Variants in KDM4C observed in about 807,000 individuals in gnomAD.
The protein encoded by KDM4C is lysine demethylase 4C.
A neutral mutation model predicts 129.3 loss-of-function variants in KDM4C; 81 were observed. The ratio of observed to expected loss-of-function variants is 0.63; its 90% confidence interval spans 0.52 to 0.75. The LOEUF (loss-of-function observed/expected upper bound fraction) is 0.75, where lower values mean the gene tolerates loss of function less well. Among genes scored for constraint, KDM4C ranks in the 30% least tolerant of loss-of-function variants. The pLI, the probability that KDM4C is intolerant of heterozygous loss-of-function variation, is 0.00. For missense variants in KDM4C, 1,457 were observed against 1,304.0 expected (o/e 1.12, Z -1.81); for synonymous variants, 573 against 456.1 (o/e 1.26, Z -3.26).
intron 17 of KDM4C, among the ~76,000 whole-genome samples, chr9:7,073,705 C>A (rs1385316112): frequency 1.3e-5 from 2 of 152,198 alleles, no homozygotes; most frequent in Non-Finnish European, 2.9e-5. Flanking sequence ...ATATAGGCTG[C>A]AGGTGAATGG....
chr9:6,917,087 T>A (rs1820443059), intron 8 of KDM4C, among the ~76,000 whole-genome samples: 1 of 152,174 alleles, frequency 6.6e-6, no homozygotes, highest in African/African-American at 2.4e-5. Flanking sequence ...TATGAATTAT[T>A]TTCATTGGCA....
chr9:6,779,735 A>G (rs1202696596), intron 1 of KDM4C, among the ~76,000 whole-genome samples: 1 of 152,224 alleles, frequency 6.6e-6, no homozygotes, highest in African/African-American at 2.4e-5. Context: ...AGCAGTGTCT[A>G]TGGGTAATTG....
intron 3 of KDM4C, among the ~76,000 whole-genome samples, chr9:6,807,645 G>GC (rs1259007634): frequency 6.7e-6 from 1 of 148,784 alleles, no homozygotes. Flanking sequence ...CCTCTGCCTG[G>GC]CAACCACCCC....
At chr9:7,074,261 T>G (rs987509516) in intron 17 of KDM4C, among the ~76,000 whole-genome samples, 1 of 152,276 alleles carries the variant, frequency 6.6e-6, no homozygotes, top group African/African-American at 2.4e-5. Flanking sequence ...TCTCTTGGGT[T>G]CAAACAATTC....
intron 4 of KDM4C, among the ~76,000 whole-genome samples, chr9:6,822,498 C>A (rs1346513182): frequency 6.6e-6 from 1 of 152,164 alleles, no homozygotes; most frequent in Non-Finnish European, 1.5e-5. Context: ...GTAGTTAAAA[C>A]AAGATCTTAG....
chr9:7,003,315 G>A (rs567401007), intron 12 of KDM4C, among the ~76,000 whole-genome samples: 3 of 152,052 alleles, frequency 2.0e-5, no homozygotes, highest in African/African-American at 7.2e-5. Context: ...GTTCATGCGT[G>A]TTATAAAATA....
chr9:6,734,685 C>T, intron 1 of KDM4C: 1 of 306,072 alleles, frequency 3.3e-6, no homozygotes, highest in Non-Finnish European at 6.3e-6. Flanking sequence ...TGACTCCTTT[C>T]ACAGTGATTA....
chr9:7,114,595 C>A (rs1838688082), intron 18 of KDM4C, among the ~76,000 whole-genome samples: 1 of 152,118 alleles, frequency 6.6e-6, no homozygotes, highest in Admixed American at 6.5e-5. Flanking sequence ...TATAAAACTG[C>A]AAATTGACCC....
At chr9:7,101,205 C>T (rs1233050095) in intron 17 of KDM4C, among the ~76,000 whole-genome samples, 9 of 152,140 alleles carry the variant, frequency 5.9e-5, no homozygotes, top group Admixed American at 1.3e-4. Context: ...GGTAGCATTT[C>T]GTTCACTTCT....
At chr9:7,047,030 C>A in intron 16 of KDM4C, 113 bp downstream of exon 16, 1 of 723,090 alleles carries the variant, frequency 1.4e-6, no homozygotes, top group Non-Finnish European at 2.4e-6. Context: ...AAAGCTTTTG[C>A]TGCTCAGATC....
intron 8 of KDM4C, among the ~76,000 whole-genome samples, chr9:6,919,228 T>TTCTG (rs1820913124): frequency 1.1e-5 from 1 of 87,472 alleles, no homozygotes. Context: ...TTTTCCTTCT[T>TTCTG]TCTTTCTTTC....
At chr9:6,875,318 G>A (rs117622271) in intron 5 of KDM4C, among the ~76,000 whole-genome samples, 2,074 of 152,284 alleles carry the variant, frequency 0.014, 15 homozygotes, top group Middle Eastern at 0.02. Flanking sequence ...AAATACACAT[G>A]TATTCTGAGT....
intron 18 of KDM4C, among the ~76,000 whole-genome samples, chr9:7,106,609 G>C (rs1837719535): frequency 6.6e-6 from 1 of 151,890 alleles, no homozygotes; most frequent in Non-Finnish European, 1.5e-5. Context: ...GCATCCAAAA[G>C]GACCATTTTA....
At chr9:6,933,332 C>T (rs1247419280) in intron 8 of KDM4C, among the ~76,000 whole-genome samples, 2 of 152,132 alleles carry the variant, frequency 1.3e-5, no homozygotes, top group Middle Eastern at 3.2e-3. Flanking sequence ...AAGATAAATA[C>T]CAGCATTACT....
chr9:6,872,321 G>A (rs955673049), intron 5 of KDM4C, among the ~76,000 whole-genome samples: 4 of 152,290 alleles, frequency 2.6e-5, no homozygotes, highest in African/African-American at 4.8e-5. Context: ...TGTTATTGGC[G>A]GAGAAGATGA....
intron 8 of KDM4C, among the ~76,000 whole-genome samples, chr9:6,949,831 G>GGAGGGAGAGGGAGACCGTGGGGA (rs371327815): frequency 6.6e-6 from 1 of 152,040 alleles, no homozygotes; most frequent in African/African-American, 2.4e-5. Context: ...GGGAGACCGT[G>GGAGGGAGAGGGAGACCGTGGGGA]GAGGGAGAGG....
rs755429985 is a variant in KDM4C, at chr9:6,832,318, C to T, written c.436-17189C>T. ...TTGCGCCACTGCACTCCAGCCTGGG[C>T]GACAGAGTGAGACTCCGTCTCAAAA... On this transcript the variant is annotated intron_variant, in intron 4 of 21. Coordinates refer to ENST00000381309, the MANE Select transcript of KDM4C (RefSeq NM_015061.6). 5.9e-4 allele frequency among the ~76,000 whole-genome samples: 84 copies of T among 142,528 alleles called. 1 individual carries two copies. The highest frequency in any genetic ancestry group is 2.9e-4 in the Non-Finnish European group (19 of 66,094). The allele number at this position is 142,528 out of a possible 152,430, so 93.5% of individuals were successfully genotyped here.
intron 15 of KDM4C, among the ~76,000 whole-genome samples, chr9:7,026,136 C>T (rs1005459970): frequency 1.9e-4 from 28 of 150,724 alleles, no homozygotes; most frequent in African/African-American, 6.3e-4. Flanking sequence ...ACCCGGGAGA[C>T]GAAGGTTGCA....
chr9:6,876,706 C>T lies in KDM4C; in HGVS notation c.630-3306C>T, dbSNP rs367677113. On this transcript the variant is annotated intron_variant, in intron 5 of 21. Transcript: ENST00000381309. ...TGCTGTTGCAGAGAAGTCAGTGAGTCTAGTGTTCAAATGCAATGTGACTGA... is the reference window on the plus strand; with the variant it reads ...TGCTGTTGCAGAGAAGTCAGTGAGTTTAGTGTTCAAATGCAATGTGACTGA... Among the ~76,000 whole-genome samples the T allele has an allele frequency of 5.9e-5, 9 of 152,232 alleles. No individual in the cohort carries two copies. In the East Asian group the frequency reaches 1.7e-3, roughly 29 times the overall value.
Sources: allele counts gnomAD v4.1 joint callset (sites outside exome capture counted in the v4.1 genomes callset), GRCh38; gene constraint gnomAD v4.1.1; transcripts MANE v1.5; gene names NCBI Gene and HGNC (gene_info 2026-07-23, HGNC 2026-07-21).